The following PLXDC2 variants were observed in gnomAD, a reference collection of about 807,000 sequenced individuals.
The protein encoded by PLXDC2 is plexin domain-containing protein 2.
PLXDC2 carries 40 observed loss-of-function variants against 68.9 expected under a neutral mutation model. The observed-to-expected ratio is 0.58, with a 90% confidence interval of 0.45 to 0.76. PLXDC2 has a LOEUF of 0.76. PLXDC2 is among the 30% of genes least tolerant of loss of function. The pLI, the probability that PLXDC2 is intolerant of heterozygous loss-of-function variation, is 0.00. For synonymous variants in PLXDC2, 243 were observed against 234.2 expected (o/e 1.04, Z -0.34); for missense variants, 644 against 661.9 (o/e 0.97, Z 0.30).
intron 1 of PLXDC2, among the ~76,000 whole-genome samples, chr10:19,938,018 T>C (rs118043916): frequency 0.018 from 2,695 of 152,260 alleles, 35 homozygotes; most frequent in Middle Eastern, 0.034. Flanking sequence ...GCATTTGACT[T>C]CTCAGTGGTT....
Position 19,964,292 on chromosome 10 carries a change from C to T in PLXDC2, c.113-37483C>T, listed in dbSNP as rs945610597. On this transcript the variant is annotated intron_variant, in intron 1 of 13. Coordinates refer to ENST00000377252, the MANE Select transcript of PLXDC2 (RefSeq NM_032812.9). ...AGAGGCTTACAACTTTATCTTTTGTCGGTTGGTTGGTTTTCAACTGGGTAA... is the reference window on the plus strand; with the variant it reads ...AGAGGCTTACAACTTTATCTTTTGTTGGTTGGTTGGTTTTCAACTGGGTAA... Among the ~76,000 whole-genome samples, 5 of 152,200 alleles carry T rather than the reference C, an allele frequency of 3.3e-5. No homozygotes were observed. The South Asian group carries it at 8.3e-4, about 25-fold the overall frequency.
chr10:20,081,626 C>T (rs1836560197), intron 4 of PLXDC2, among the ~76,000 whole-genome samples: 1 of 152,118 alleles, frequency 6.6e-6, no homozygotes, highest in African/African-American at 2.4e-5. Flanking sequence ...CACCAAAAAA[C>T]CACATGTAGG....
intron 4 of PLXDC2, among the ~76,000 whole-genome samples, chr10:20,135,761 A>C (rs2131780949): frequency 6.6e-6 from 1 of 152,296 alleles, no homozygotes; most frequent in East Asian, 1.9e-4. Context: ...CCCCCAAGGA[A>C]TGGTTTCGTT....
chr10:20,277,409 T>C (rs1836023181), intron 13 of PLXDC2, among the ~76,000 whole-genome samples: 1 of 152,022 alleles, frequency 6.6e-6, no homozygotes, highest in African/African-American at 2.4e-5. Flanking sequence ...CAGAAGGTTC[T>C]CTTTAAAAAT....
chr10:20,200,050 TTTTCTGAG>T (rs1269886649), intron 9 of PLXDC2, among the ~76,000 whole-genome samples: 2 of 151,772 alleles, frequency 1.3e-5, no homozygotes, highest in African/African-American at 4.8e-5. Context: ...TAGGAGAGGC[TTTTCTGAG>T]CAGAAAAGCA....
chr10:19,821,994 C>T (rs1836474813), intron 1 of PLXDC2, among the ~76,000 whole-genome samples: 1 of 151,744 alleles, frequency 6.6e-6, no homozygotes, highest in Non-Finnish European at 1.5e-5. Flanking sequence ...TTTTCTTATT[C>T]TATGTATAAG....
intron 1 of PLXDC2, among the ~76,000 whole-genome samples, chr10:19,823,830 T>C (rs1836525214): frequency 6.6e-6 from 1 of 151,786 alleles, no homozygotes. Context: ...TCTCTACAGT[T>C]TTTTTGTTTT....
chr10:19,890,676 C>CTT (rs56921191), intron 1 of PLXDC2, among the ~76,000 whole-genome samples: 17 of 61,146 alleles, frequency 2.8e-4, no homozygotes, highest in African/African-American at 6.4e-4. Flanking sequence ...CGCCCGGCTG[C>CTT]TTTTTTTTTT....
chr10:19,837,294 C>T (rs1836812238), intron 1 of PLXDC2, among the ~76,000 whole-genome samples: 1 of 151,922 alleles, frequency 6.6e-6, no homozygotes, highest in South Asian at 2.1e-4. Context: ...AACACATAAG[C>T]CCTTCTTATC....
At chr10:19,975,756 G>A (rs537592190) in intron 1 of PLXDC2, among the ~76,000 whole-genome samples, 61 of 152,164 alleles carry the variant, frequency 4.0e-4, no homozygotes, top group African/African-American at 1.1e-3. Flanking sequence ...TCCTGGAAAA[G>A]AATATTTTGG....
intron 12 of PLXDC2, among the ~76,000 whole-genome samples, chr10:20,221,269 A>G (rs918867312): frequency 2.6e-5 from 4 of 151,600 alleles, no homozygotes; most frequent in African/African-American, 9.8e-5. Flanking sequence ...GCCATCAAAG[A>G]ATCATAAAAC....
chr10:19,958,697 G>A (rs560774657), intron 1 of PLXDC2, among the ~76,000 whole-genome samples: 1 of 152,284 alleles, frequency 6.6e-6, no homozygotes, highest in South Asian at 2.1e-4. Context: ...TTCGGAATTT[G>A]TCTGGGGAAG....
At chr10:20,030,802 C>T (rs374670723) in intron 2 of PLXDC2, among the ~76,000 whole-genome samples, 2 of 152,078 alleles carry the variant, frequency 1.3e-5, no homozygotes, top group Admixed American at 6.5e-5. Flanking sequence ...TGGGGAACTC[C>T]GAGTATGTGT....
At chr10:20,070,220 A>G (rs954337737) in intron 4 of PLXDC2, among the ~76,000 whole-genome samples, 2 of 152,204 alleles carry the variant, frequency 1.3e-5, no homozygotes, top group Non-Finnish European at 2.9e-5. Context: ...TAAGTAATAA[A>G]CTTTAAGAAG....
chr10:20,240,857 C>A (rs1259499539), intron 12 of PLXDC2, among the ~76,000 whole-genome samples: 1 of 152,038 alleles, frequency 6.6e-6, no homozygotes, highest in African/African-American at 2.4e-5. Context: ...CAAAGAAAGT[C>A]TTGTAATATT....
chr10:20,262,138 G>A (rs1304842075), intron 13 of PLXDC2, among the ~76,000 whole-genome samples: 1 of 152,074 alleles, frequency 6.6e-6, no homozygotes, highest in Non-Finnish European at 1.5e-5. Context: ...AGCAACCAGA[G>A]CCAGGGGATC....
chr10:19,852,301 C>A (rs944997332), intron 1 of PLXDC2, among the ~76,000 whole-genome samples: 1 of 151,308 alleles, frequency 6.6e-6, no homozygotes, highest in African/African-American at 2.4e-5. Flanking sequence ...CTAGGAGGAT[C>A]CCTTGAGCCT....
At chr10:19,932,888 G>A (rs1833664060) in intron 1 of PLXDC2, among the ~76,000 whole-genome samples, 1 of 152,200 alleles carries the variant, frequency 6.6e-6, no homozygotes, top group African/African-American at 2.4e-5. Flanking sequence ...TTTGGGTCAA[G>A]TAGAAAGGGA....
intron 12 of PLXDC2, among the ~76,000 whole-genome samples, chr10:20,232,499 A>G (rs1285095275): frequency 6.6e-6 from 1 of 152,224 alleles, no homozygotes; most frequent in Admixed American, 6.5e-5. Flanking sequence ...CAACAGAAGA[A>G]TAAACAAATT....
Sources: allele counts gnomAD v4.1 joint callset (sites outside exome capture counted in the v4.1 genomes callset), GRCh38; gene constraint gnomAD v4.1.1; transcripts MANE v1.5; gene names NCBI Gene and HGNC (gene_info 2026-07-23, HGNC 2026-07-21).